The following ANGPTL4 variants were observed in gnomAD, a reference collection of about 807,000 sequenced individuals.
The protein encoded by ANGPTL4 is angiopoietin-related protein 4.
ANGPTL4 carries 39 observed loss-of-function variants against 39.2 expected under a neutral mutation model. The observed-to-expected ratio is 1.00, with a 90% CI of 0.77 to 1.30. The LOEUF (loss-of-function observed/expected upper bound fraction) is 1.30, where lower values mean the gene tolerates loss of function less well. Ranked by LOEUF, ANGPTL4 falls within the 50% of genes most tolerant of loss-of-function variation. The pLI is 0.00. For synonymous variants in ANGPTL4, 233 were observed against 229.5 expected (o/e 1.02, Z -0.14); for missense variants, 545 against 549.8 (o/e 0.99, Z 0.09).
intron 3 of ANGPTL4, among the ~76,000 whole-genome samples, chr19:8,366,760 A>G (rs1375080383): frequency 6.6e-6 from 1 of 151,854 alleles, no homozygotes; most frequent in Non-Finnish European, 1.5e-5. Context: ...GTATGTGGGA[A>G]TTAGGGCTGG....
At chr19:8,373,451 A>G (rs944730863) in intron 6 of ANGPTL4, among the ~76,000 whole-genome samples, 1 of 151,928 alleles carries the variant, frequency 6.6e-6, no homozygotes, top group Admixed American at 6.6e-5. Flanking sequence ...GGCGCCTGTA[A>G]TCCCAGCTAC....
chr19:8,366,676 A>G (rs947505469), intron 3 of ANGPTL4, among the ~76,000 whole-genome samples: 12 of 152,050 alleles, frequency 7.9e-5, no homozygotes, highest in Non-Finnish European at 1.5e-4. Context: ...AGAACCTTCT[A>G]GGGGAGGGTG....
intron 3 of ANGPTL4, 90 bp from the exon 4 acceptor site, chr19:8,369,129 C>T: frequency 3.0e-6 from 3 of 987,344 alleles, no homozygotes; most frequent in South Asian, 2.8e-5. Context: ...CCCTGGTCAT[C>T]CACTGTTAAG....
At chr19:8,364,771 G>T (rs1401314333) in intron 1 of ANGPTL4, 132 bp downstream of exon 1, 1 of 1,178,564 alleles carries the variant, frequency 8.5e-7, no homozygotes, top group African/African-American at 1.5e-5. Context: ...CAAGGGATGG[G>T]CTCCCCCCTT....
chr19:8,364,198 C>A lies in ANGPTL4; in HGVS notation c.-124C>A. ...ATCCTCACACGACTGTGATCCGATTCTTTCCAGCGGCTTCTGCAACCAAGC... is the reference window on the plus strand; with the variant it reads ...ATCCTCACACGACTGTGATCCGATTATTTCCAGCGGCTTCTGCAACCAAGC... On this transcript the variant is annotated 5_prime_UTR_variant, in exon 1 of 7. Transcript: ENST00000301455. The A allele has an allele frequency of 9.8e-7, 1 of 1,023,484 alleles. No individual in the cohort carries two copies. The highest frequency in any genetic ancestry group is 1.4e-6 in the Non-Finnish European group (1 of 713,660). The allele number at this position is 1,023,484 out of a possible 1,614,324, so 63.4% of individuals were successfully genotyped here.
rs556971203 is a variant in ANGPTL4, at chr19:8,366,653, C to T, written c.547+334C>T. Among the ~76,000 whole-genome samples the T allele has an allele frequency of 4.9e-4, 75 of 152,196 alleles. 1 individual carries two copies. Among genetic ancestry groups the T allele is most frequent in the African/African-American group, 1.6e-3 (67 of 41,542 alleles). On this transcript the variant is annotated intron_variant, in intron 3 of 6. Transcript: ENST00000301455. ...AAGGTAGAAATGGGGTTCGGGGTGC[C>T]ATCCTGAAGGTTAGAACCTTCTAGG...
chr19:8,367,986 G>A (rs1428003801), intron 3 of ANGPTL4, among the ~76,000 whole-genome samples: 4 of 149,924 alleles, frequency 2.7e-5, no homozygotes, highest in Admixed American at 6.7e-5. Flanking sequence ...GGCGCCTACC[G>A]CCACCACGCC....
chr19:8,369,253 TG>T lies in ANGPTL4; in HGVS notation c.586del (p.Glu196ArgfsTer19). 6.2e-7 allele frequency: 1 copy of T among 1,612,052 alleles called. No individual in the cohort carries two copies. The highest frequency in any genetic ancestry group is 1.1e-5 in the South Asian group (1 of 90,500). On this transcript the variant is annotated frameshift_variant, in exon 4 of 7. Coordinates refer to ENST00000301455, the MANE Select transcript of ANGPTL4 (RefSeq NM_139314.3). LOFTEE classifies it high-confidence loss of function. ...GGGATTGCCAGGAGCTGTTCCAGGT[TG>T]GGGAGAGGCAGAGTGGACTATTTGA... ...PRDCQELFQV[G>X]ERQSGLFEIQ...
At position 8,371,961 on chromosome 19, in the gene ANGPTL4, T is replaced by C. The variant is rs890847784; in HGVS notation, c.1039+439T>C. Among the ~76,000 whole-genome samples, 5 of 152,030 alleles carry C rather than the reference T, an allele frequency of 3.3e-5. No individual in the cohort carries two copies. The highest frequency in any genetic ancestry group is 7.2e-5 in the African/African-American group (3 of 41,392). ...TTTTAGTAGAGATGGGGTTTCACCG[T>C]GTTAGCCAGGATGGTCTCGATCTCC... On this transcript the variant is annotated intron_variant, in intron 6 of 6. Transcript: ENST00000301455. The surrounding 1 kb of genome is among the most constrained non-coding windows in gnomAD (Gnocchi z 5.1).
intron 4 of ANGPTL4, 123 bp downstream of exon 4, chr19:8,369,455 C>A: frequency 4.3e-5 from 14 of 324,992 alleles, no homozygotes; most frequent in East Asian, 6.8e-5. Flanking sequence ...CCAAGCTGGT[C>A]TTTTTTTTTT....
intron 3 of ANGPTL4, among the ~76,000 whole-genome samples, chr19:8,368,628 G>C (rs1406433984): frequency 2.0e-5 from 3 of 152,132 alleles, no homozygotes; most frequent in East Asian, 3.9e-4. Context: ...GGAGGCCAAG[G>C]CTGGCGGATC....
At chr19:8,366,346 C>A in intron 3 of ANGPTL4, 27 bp downstream of exon 3, 1 of 1,605,850 alleles carries the variant, frequency 6.2e-7, no homozygotes, top group Non-Finnish European at 8.5e-7. Flanking sequence ...CGATGCTCTC[C>A]GGTGGCCACC....
In ANGPTL4 at chr19:8,371,232, C is replaced by T. The variant is rs1971110513; in HGVS notation, c.758-9C>T. The T allele has an allele frequency of 6.2e-7, 1 of 1,613,992 alleles. No homozygotes were observed. Among genetic ancestry groups the T allele is most frequent in the African/African-American group, 1.3e-5 (1 of 74,940 alleles). On this transcript the variant is annotated splice_polypyrimidine_tract_variant and intron_variant, in intron 5 of 6. Transcript: ENST00000301455. The surrounding 1 kb of genome is among the most constrained non-coding windows in gnomAD (Gnocchi z 5.1). ...GCCCTGCCTCATGGAGTGGCCTCTC[C>T]CACTCCAGGCGAGTTCTGGCTGGGT...
In ANGPTL4 at chr19:8,366,252, C is replaced by T. The variant is rs777847610; in HGVS notation, c.480C>T (p.Ala160=). The change falls in exon 3 of 7, where the codon GCC becomes GCT. Residue 160 remains alanine (A), a synonymous_variant. Transcript: ENST00000301455. The part of the protein sequence containing the change: ...KHLDHEVAKP[A]RRKRLPEMAQ... ...TAGACCATGAGGTGGCCAAGCCTGC[C>T]CGAAGAAAGAGGCTGCCCGAGATGG... 6.2e-7 allele frequency: 1 copy of T among 1,614,128 alleles called. No individual in the cohort carries two copies. Among genetic ancestry groups the T allele is most frequent in the East Asian group, 2.2e-5 (1 of 44,874 alleles).
rs1271583695 is a variant in ANGPTL4, at chr19:8,374,255, G to C, written c.*369G>C. 1 of 306,638 alleles carries C rather than the reference G, an allele frequency of 3.3e-6. No homozygotes were observed. The highest frequency in any genetic ancestry group is 6.3e-6 in the Non-Finnish European group (1 of 157,944). 19.0% of individuals were successfully genotyped at this position (306,638 alleles called of 1,614,324 possible). A position where few individuals can be genotyped will look rare whatever the true frequency, so the allele number is the denominator to read the frequency against. On this transcript the variant is annotated 3_prime_UTR_variant, in exon 7 of 7. Transcript: ENST00000301455. ...GGGGACCAGGGCTTGTGTGGGTCGAGAGCGCCCTCATGGTGCTGGTGCTGT... is the reference window on the plus strand; with the variant it reads ...GGGGACCAGGGCTTGTGTGGGTCGACAGCGCCCTCATGGTGCTGGTGCTGT...
intron 3 of ANGPTL4, among the ~76,000 whole-genome samples, chr19:8,367,341 G>A (rs1971026741): frequency 6.6e-6 from 1 of 152,218 alleles, no homozygotes; most frequent in Non-Finnish European, 1.5e-5. Context: ...TGCGGTGGAA[G>A]GGGGCAGGGG....
chr19:8,371,298 G>C lies in ANGPTL4; in HGVS notation c.815G>C (p.Arg272Pro), dbSNP rs774924877. 3.7e-6 allele frequency: 6 copies of C among 1,613,932 alleles called. No individual in the cohort carries two copies. The South Asian group carries it at 4.4e-5, about 12-fold the overall frequency. ...AGCATCACGGGGGACCGCAACAGCC[G>C]CCTGGCCGTGCAGCTGCGGGACTGG... The part of the protein sequence containing the change: ...VHSITGDRNS[R>P]LAVQLRDWDG... The change falls in exon 6 of 7, where the codon CGC becomes CCC. Residue 272 changes from arginine to proline, a missense_variant. By Grantham distance (103) the Arg-to-Pro change is moderately radical (BLOSUM62 -2). Coordinates refer to ENST00000301455, the MANE Select transcript of ANGPTL4 (RefSeq NM_139314.3). The surrounding 1 kb of genome is among the most constrained non-coding windows in gnomAD (Gnocchi z 5.1).
chr19:8,368,480 C>A (rs1439092482), intron 3 of ANGPTL4, among the ~76,000 whole-genome samples: 1 of 152,146 alleles, frequency 6.6e-6, no homozygotes, highest in Non-Finnish European at 1.5e-5. Context: ...TTGCTCAATT[C>A]CCATTTGGGG....
At position 8,364,862 on chromosome 19, in the gene ANGPTL4, T is replaced by TACAC. The variant is rs34409703; in HGVS notation, c.318+243_318+246dup. On this transcript the variant is annotated intron_variant, in intron 1 of 6. Transcript: ENST00000301455. The stretch of plus-strand genomic sequence containing the variant: ...AAAATAGCGAGACCCCCGTCTCTTC[T>TACAC]ACACACACACACACACACACACAAA... Among the ~76,000 whole-genome samples the TACAC allele has an allele frequency of 2.1e-3, 308 of 149,058 alleles. 1 individual carries two copies. The highest frequency in any genetic ancestry group is 4.7e-3 in the Admixed American group (70 of 14,916).
Sources: gnomAD v4.1 joint callset for allele counts (sites outside exome capture counted in the v4.1 genomes callset) on GRCh38, gnomAD v4.1.1 for gene constraint, Gnocchi (gnomAD v3.1) non-coding constraint, MANE v1.5 for transcripts, NCBI Gene and HGNC (gene_info 2026-07-23, HGNC 2026-07-21) for gene names.